Variants in NLGN1 observed in about 807,000 individuals in gnomAD.
The protein encoded by NLGN1 is neuroligin 1.
NLGN1 carries 12 observed loss-of-function variants against 65.5 expected under a neutral mutation model. The ratio of observed to expected loss-of-function variants is 0.18; its 90% confidence interval spans 0.12 to 0.30. The LOEUF (loss-of-function observed/expected upper bound fraction) is 0.30, where lower values mean the gene tolerates loss of function less well. Among genes scored for constraint, NLGN1 ranks in the 10% least tolerant of loss-of-function variants. The pLI is 1.00. For missense variants in NLGN1, 750 were observed against 1,007.1 expected (o/e 0.74, Z 3.46); for synonymous variants, 350 against 359.5 (o/e 0.97, Z 0.30).
At chr3:174,106,888 A>G (rs1392266257) in intron 4 of NLGN1, among the ~76,000 whole-genome samples, 2 of 151,684 alleles carry the variant, frequency 1.3e-5, no homozygotes, top group Non-Finnish European at 2.9e-5. Flanking sequence ...TCTTCTATTC[A>G]AGCCCTCAAT....
intron 4 of NLGN1, among the ~76,000 whole-genome samples, chr3:174,168,204 C>G (rs1727884848): frequency 6.6e-6 from 1 of 152,144 alleles, no homozygotes; most frequent in Middle Eastern, 3.4e-3. Context: ...TTGAATTCCT[C>G]TGTCATTTCT....
chr3:173,825,062 C>G (rs927173087), intron 4 of NLGN1, among the ~76,000 whole-genome samples: 1 of 151,944 alleles, frequency 6.6e-6, no homozygotes, highest in Non-Finnish European at 1.5e-5. Context: ...AAATTGTGCC[C>G]AAGAGAAAAT....
chr3:173,451,577 T>C (rs1207280994), intron 2 of NLGN1, among the ~76,000 whole-genome samples: 3 of 152,192 alleles, frequency 2.0e-5, no homozygotes, highest in African/African-American at 7.2e-5. Context: ...ACCACTACTC[T>C]CTTCAAAGCT....
intron 2 of NLGN1, among the ~76,000 whole-genome samples, chr3:173,499,272 T>C (rs192902169): frequency 0.059 from 8,936 of 151,940 alleles, 344 homozygotes; most frequent in South Asian, 0.12. Context: ...TTTCTACATA[T>C]GGCTAGCCAG....
intron 4 of NLGN1, among the ~76,000 whole-genome samples, chr3:173,951,502 G>A (rs898525204): frequency 1.4e-5 from 2 of 146,038 alleles, no homozygotes; most frequent in African/African-American, 2.6e-5. Flanking sequence ...TTGCTCTGTC[G>A]CCCAGGCTGG....
chr3:174,077,379 A>G (rs985121758), intron 4 of NLGN1, among the ~76,000 whole-genome samples: 2 of 152,142 alleles, frequency 1.3e-5, no homozygotes, highest in African/African-American at 4.8e-5. Context: ...CAGCTCCACT[A>G]ACTTGATTTT....
intron 4 of NLGN1, among the ~76,000 whole-genome samples, chr3:173,861,525 T>C (rs1729081585): frequency 7.8e-6 from 1 of 127,580 alleles, no homozygotes; most frequent in Non-Finnish European, 1.6e-5. Flanking sequence ...CGTGTGTGTG[T>C]GTGTGTGTGT....
intron 4 of NLGN1, among the ~76,000 whole-genome samples, chr3:174,274,327 G>A: frequency 6.6e-6 from 1 of 151,652 alleles, no homozygotes; most frequent in East Asian, 1.9e-4. Flanking sequence ...AAGCTATCAG[G>A]TCAGCTAAAT....
intron 4 of NLGN1, among the ~76,000 whole-genome samples, chr3:174,214,977 G>GA (rs1222638630): frequency 6.6e-6 from 1 of 152,100 alleles, no homozygotes; most frequent in Non-Finnish European, 1.5e-5. Flanking sequence ...AAAAGAAGGG[G>GA]AAAATGGGTA....
At chr3:173,748,256 T>C (rs868373347) in intron 3 of NLGN1, among the ~76,000 whole-genome samples, 1 of 152,110 alleles carries the variant, frequency 6.6e-6, no homozygotes, top group Non-Finnish European at 1.5e-5. Context: ...GTGTGGAAGA[T>C]AGATAACAGT....
At chr3:174,177,945 G>C (rs1156506986) in intron 4 of NLGN1, among the ~76,000 whole-genome samples, 2 of 152,092 alleles carry the variant, frequency 1.3e-5, no homozygotes, top group African/African-American at 4.8e-5. Flanking sequence ...GAAGTGATAA[G>C]AGCATCAGTT....
chr3:173,653,378 G>A (rs764841779), intron 3 of NLGN1, among the ~76,000 whole-genome samples: 2 of 152,114 alleles, frequency 1.3e-5, no homozygotes, highest in African/African-American at 4.8e-5. Context: ...CTGTGGGTTA[G>A]CATATTTGGC....
intron 4 of NLGN1, among the ~76,000 whole-genome samples, chr3:174,183,277 G>A (rs1335733409): frequency 6.6e-6 from 1 of 151,978 alleles, no homozygotes; most frequent in Non-Finnish European, 1.5e-5. Flanking sequence ...ACGCCTTTTT[G>A]AGTCCATAGC....
chr3:174,154,141 T>C (rs191709891), intron 4 of NLGN1, among the ~76,000 whole-genome samples: 2 of 152,214 alleles, frequency 1.3e-5, no homozygotes, highest in East Asian at 3.9e-4. Flanking sequence ...TCTAGAACTA[T>C]CATCATTCTT....
chr3:174,092,585 GA>G (rs1486403450), intron 4 of NLGN1, among the ~76,000 whole-genome samples: 1 of 151,576 alleles, frequency 6.6e-6, no homozygotes, highest in African/African-American at 2.4e-5. Context: ...ATAAACCAAA[GA>G]GTGACATTAG....
intron 4 of NLGN1, among the ~76,000 whole-genome samples, chr3:174,041,089 G>A (rs766348489): frequency 6.6e-5 from 10 of 152,024 alleles, no homozygotes; most frequent in Non-Finnish European, 1.2e-4. Context: ...TGTAAGCCAA[G>A]CTGCTATCAA....
chr3:174,051,356 T>G (rs915211028), intron 4 of NLGN1, among the ~76,000 whole-genome samples: 2 of 152,040 alleles, frequency 1.3e-5, no homozygotes, highest in Admixed American at 6.6e-5. Context: ...TCGGAAAGGT[T>G]GCCAAGTCCT....
At chr3:173,911,968 T>C (rs1213144731) in intron 4 of NLGN1, among the ~76,000 whole-genome samples, 1 of 152,196 alleles carries the variant, frequency 6.6e-6, no homozygotes, top group Non-Finnish European at 1.5e-5. Context: ...TTCAGGATAA[T>C]AATAATGTTG....
chr3:173,809,336 A>G (rs1717382510), intron 4 of NLGN1, among the ~76,000 whole-genome samples: 1 of 152,192 alleles, frequency 6.6e-6, no homozygotes, highest in Non-Finnish European at 1.5e-5. Context: ...TTTCCTATGG[A>G]ACATTTTCAT....
Sources: allele counts gnomAD v4.1 joint callset (sites outside exome capture counted in the v4.1 genomes callset), GRCh38; gene constraint gnomAD v4.1.1; transcripts MANE v1.5; gene names NCBI Gene and HGNC (gene_info 2026-07-23, HGNC 2026-07-21).